The following FAM20B variants were observed in gnomAD, a reference collection of about 807,000 sequenced individuals.
FAM20B encodes glycosaminoglycan xylosylkinase.
In FAM20B, 23 loss-of-function variants were observed where a neutral mutation model predicts 43.8. That is an observed-to-expected ratio of 0.53 (90% CI 0.38 to 0.74). FAM20B has a LOEUF of 0.74. FAM20B is among the 30% of genes least tolerant of loss of function. FAM20B has a pLI of 0.00. For synonymous variants in FAM20B, 178 were observed against 192.4 expected, an observed-to-expected ratio of 0.93 and a Z score of 0.62; for missense variants, 440 against 510.5, an observed-to-expected ratio of 0.86 and a Z score of 1.33.
intron 2 of FAM20B, 118 bp from the exon 3 acceptor site, chr1:179,050,161 A>G (rs1650944845): frequency 3.0e-6 from 2 of 660,910 alleles, no homozygotes; most frequent in Non-Finnish European, 5.5e-6. Flanking sequence ...TGCAGGGTTG[A>G]CAGAGAAGGT....
intron 7 of FAM20B, among the ~76,000 whole-genome samples, chr1:179,070,902 C>T (rs1651894535): frequency 6.6e-6 from 1 of 152,054 alleles, no homozygotes; most frequent in South Asian, 2.1e-4. Flanking sequence ...AAAGACTCTA[C>T]CTTGATACTG....
chr1:179,062,467 A>C (rs544852845), intron 4 of FAM20B, among the ~76,000 whole-genome samples: 2 of 151,886 alleles, frequency 1.3e-5, no homozygotes, highest in African/African-American at 4.8e-5. Context: ...CCTGTCCAAT[A>C]TGGTGAAACC....
At chr1:179,060,696 G>A (rs960985558) in intron 4 of FAM20B, among the ~76,000 whole-genome samples, 1 of 152,148 alleles carries the variant, frequency 6.6e-6, no homozygotes, top group Non-Finnish European at 1.5e-5. Flanking sequence ...AATGGTTGGG[G>A]ACCACCCATA....
chr1:179,057,110 C>T (rs1337507597), intron 4 of FAM20B, among the ~76,000 whole-genome samples: 2 of 152,042 alleles, frequency 1.3e-5, no homozygotes, highest in Non-Finnish European at 2.9e-5. Flanking sequence ...TTTGGGAGGC[C>T]GAGGTGGGCA....
chr1:179,054,670 G>T (rs753540500), intron 4 of FAM20B, 32 bp downstream of exon 4: 1 of 1,328,518 alleles, frequency 7.5e-7, no homozygotes, highest in Non-Finnish European at 1.1e-6. Flanking sequence ...TTTATATAGG[G>T]GAATGATTAA....
chr1:179,063,885 C>T lies in FAM20B; in HGVS notation c.575-42C>T, dbSNP rs746796921. 5.5e-6 allele frequency: 8 copies of T among 1,466,520 alleles called. No homozygotes were observed. The East Asian group carries it at 6.9e-5, about 13-fold the overall frequency. The allele number at this position is 1,466,520 out of a possible 1,614,324, so 90.8% of individuals were successfully genotyped here. ...TATTTGGGAGAGAACTTGGAGTCTT[C>T]GTTATTTCCTTAAGTGTATTTGGCT... On this transcript the variant is annotated intron_variant, in intron 4 of 7. Transcript: ENST00000263733.
chr1:179,022,513 CT>C (rs1423440382), upstream of FAM20B, among the ~76,000 whole-genome samples: 1 of 152,176 alleles, frequency 6.6e-6, no homozygotes, highest in East Asian at 1.9e-4. Flanking sequence ...GCAAAAGCAC[CT>C]TGAGACAATA....
the FAM20B span, among the ~76,000 whole-genome samples, chr1:179,017,340 T>C: frequency 2.0e-4 from 31 of 152,366 alleles, no homozygotes; most frequent in African/African-American, 7.2e-4. Context: ...CCTCAGCTCC[T>C]GTTGGTTTCA....
Position 179,072,266 on chromosome 1 carries a change from G to A in FAM20B, c.*122G>A. The A allele has an allele frequency of 1.4e-6, 1 of 702,568 alleles. No homozygotes were observed. The highest frequency in any genetic ancestry group is 1.9e-5 in the South Asian group (1 of 52,598). The allele number at this position is 702,568 out of a possible 1,614,324, so 43.5% of individuals were successfully genotyped here. A position where few individuals can be genotyped will look rare whatever the true frequency, so the allele number is the denominator to read the frequency against. ...GCAAGTTCTGGTGACGGGACAGAGT[G>A]GCCTTGGATGTCTTTGGTATTTTCT... On this transcript the variant is annotated 3_prime_UTR_variant, in exon 8 of 8. Transcript: ENST00000263733.
intron 4 of FAM20B, among the ~76,000 whole-genome samples, chr1:179,060,443 G>A (rs954590928): frequency 6.6e-6 from 1 of 152,100 alleles, no homozygotes; most frequent in Admixed American, 6.6e-5. Context: ...GAGGTGAGGG[G>A]TGAGCGAGCA....
intron 3 of FAM20B, among the ~76,000 whole-genome samples, chr1:179,051,148 T>C (rs180936931): frequency 1.8e-4 from 26 of 147,256 alleles, no homozygotes. Context: ...GGAAAGAAAA[T>C]AGATGTGAAT....
upstream of FAM20B, among the ~76,000 whole-genome samples, chr1:179,022,296 G>C (rs1649616634): frequency 6.6e-6 from 1 of 152,166 alleles, no homozygotes; most frequent in Admixed American, 6.5e-5. Flanking sequence ...TTACTCGCTA[G>C]CCTTTCCCGT....
At chr1:179,051,053 C>T (rs35737572) in intron 3 of FAM20B, among the ~76,000 whole-genome samples, 67,667 of 150,928 alleles carry the variant, frequency 0.45, 15,425 homozygotes, top group African/African-American at 0.49. Context: ...ACCCAGGAGG[C>T]ACAGCTTGCA....
chr1:179,063,790 G>C (rs1054059455), intron 4 of FAM20B, 137 bp from the exon 5 acceptor site: 2 of 602,808 alleles, frequency 3.3e-6, no homozygotes, highest in African/African-American at 3.8e-5. Context: ...GAAAATAAAT[G>C]TTTGAAATAT....
At chr1:179,047,778 C>G (rs1213379364) in intron 2 of FAM20B, among the ~76,000 whole-genome samples, 1 of 152,206 alleles carries the variant, frequency 6.6e-6, no homozygotes, top group Non-Finnish European at 1.5e-5. Flanking sequence ...TTATTTAGTC[C>G]TGGTGTAAGT....
intron 1 of FAM20B, among the ~76,000 whole-genome samples, chr1:179,033,094 G>A (rs945345156): frequency 2.0e-5 from 3 of 152,176 alleles, no homozygotes; most frequent in African/African-American, 7.2e-5. Flanking sequence ...GACAGCCCAC[G>A]GTAAAAGCGT....
At chr1:179,019,040 A>G in the FAM20B span, among the ~76,000 whole-genome samples, 8 of 152,200 alleles carry the variant, frequency 5.3e-5, no homozygotes, top group Admixed American at 2.6e-4. Flanking sequence ...CTTCTTCTAC[A>G]TTTTTGTTCT....
intron 1 of FAM20B, among the ~76,000 whole-genome samples, chr1:179,043,142 T>C (rs538478240): frequency 6.6e-6 from 1 of 152,262 alleles, no homozygotes; most frequent in South Asian, 2.1e-4. Context: ...CACTGAGCCA[T>C]CCTCAGTCCT....
chr1:179,047,579 G>GT (rs374656733), intron 2 of FAM20B, among the ~76,000 whole-genome samples: 92 of 152,062 alleles, frequency 6.1e-4, no homozygotes, highest in African/African-American at 2.0e-3. Context: ...ACTCAGCAAG[G>GT]TTTTTTTTGG....
Sources: gnomAD v4.1 joint callset for allele counts (sites outside exome capture counted in the v4.1 genomes callset) on GRCh38, gnomAD v4.1.1 for gene constraint, MANE v1.5 for transcripts, NCBI Gene and HGNC (gene_info 2026-07-23, HGNC 2026-07-21) for gene names.